The following MTG1 variants were observed in gnomAD, a reference collection of about 807,000 sequenced individuals.
The protein encoded by MTG1 is mitochondrial ribosome-associated GTPase 1.
In MTG1, 30 loss-of-function variants were observed where a neutral mutation model predicts 39.5. The ratio of observed to expected loss-of-function variants is 0.76; its 90% CI spans 0.57 to 1.03. The LOEUF is 1.03. Ranked by LOEUF, MTG1 falls within the 50% of genes least tolerant of loss-of-function variation. The pLI is 0.00. For synonymous variants in MTG1, 217 were observed against 179.0 expected (o/e 1.21, Z -1.69); for missense variants, 513 against 447.4 (o/e 1.15, Z -1.32).
Position 133,399,540 on chromosome 10 carries a change from C to T in MTG1, c.432C>T (p.Tyr144=), listed in dbSNP as rs1849839653. Reference sequence around the variant, plus strand: ...CTCTGCCTGCGCAGAACCTGGAGTACTGTATCATGGTCATTGGGGTCCCCA... The same window carrying T: ...CTCTGCCTGCGCAGAACCTGGAGTATTGTATCATGGTCATTGGGGTCCCCA... ...HRYHRKENLE[Y]CIMVIGVPNV... Residue 144 remains tyrosine, a synonymous_variant, in exon 6 of 11, where the codon TAC becomes TAT. Coordinates refer to ENST00000317502, the MANE Select transcript of MTG1 (RefSeq NM_138384.4). The T allele has an allele frequency of 1.9e-6, 3 of 1,614,062 alleles. No homozygotes were observed. Among genetic ancestry groups the T allele is most frequent in the South Asian group, 2.2e-5 (2 of 91,088 alleles).
At chr10:133,411,119 AC>A (rs1183069819) in intron 9 of MTG1, among the ~76,000 whole-genome samples, 1 of 152,178 alleles carries the variant, frequency 6.6e-6, no homozygotes, top group African/African-American at 2.4e-5. Flanking sequence ...AGATTGAAGA[AC>A]TTTTTTTTAG....
chr10:133,397,579 C>T lies in MTG1; in HGVS notation c.283-856C>T, dbSNP rs180818390. On this transcript the variant is annotated intron_variant, in intron 3 of 10. Coordinates refer to ENST00000317502, the MANE Select transcript of MTG1 (RefSeq NM_138384.4). ...CTGCAAGCTCTGCCTCCCGGGTTCA[C>T]GCCATTCTCCTGCCTCAGCCTCCTG... 7.5e-3 allele frequency among the ~76,000 whole-genome samples: 1,144 copies of T among 151,672 alleles called. 8 individuals are homozygous for T. Among genetic ancestry groups the T allele is most frequent in the Middle Eastern group, 0.048 (14 of 294 alleles).
At chr10:133,396,624 G>T (rs964508053) in intron 3 of MTG1, among the ~76,000 whole-genome samples, 1 of 152,258 alleles carries the variant, frequency 6.6e-6, no homozygotes, top group African/African-American at 2.4e-5. Context: ...TAAAACATAT[G>T]AAATAAGAAT....
At chr10:133,399,407 C>T (rs1047176784) in intron 5 of MTG1, 122 bp from the exon 6 acceptor site, 31 of 1,195,732 alleles carry the variant, frequency 2.6e-5, no homozygotes, top group Non-Finnish European at 3.5e-5. Flanking sequence ...AGAGCCTCGG[C>T]GTTAACCTCC....
Position 133,416,416 on chromosome 10 carries a change from ATTATAC to A in MTG1, c.753-3061_753-3056del, listed in dbSNP as rs1850133959. On this transcript the variant is annotated intron_variant, in intron 9 of 10. Transcript: ENST00000317502. ...TTTCTTTTTATTTTATTTTATTATTATTATACTTTAAGTTTTAGGGTACATGTGCAC... is the reference window on the plus strand; with the variant it reads ...TTTCTTTTTATTTTATTTTATTATTATTTAAGTTTTAGGGTACATGTGCAC... 2.7e-5 allele frequency among the ~76,000 whole-genome samples: 4 copies of A among 150,124 alleles called. No individual in the cohort carries two copies. The South Asian group carries it at 6.3e-4, about 23-fold the overall frequency.
At chr10:133,396,295 A>C in intron 3 of MTG1, 28 bp downstream of exon 3, 1 of 1,577,552 alleles carries the variant, frequency 6.3e-7, no homozygotes. Flanking sequence ...AGACGCCTTC[A>C]GCAGTGTGGC....
chr10:133,402,146 C>A lies in MTG1; in HGVS notation c.574-3C>A. On this transcript the variant is annotated splice_region_variant and splice_polypyrimidine_tract_variant and intron_variant, in intron 7 of 10. Transcript: ENST00000317502. This position sits in a 1 kb window ranked among gnomAD's most constrained non-coding sequence, Gnocchi z 4.7. ...CCTGATCATGCCCTCTGTGCCCACA[C>A]AGGTCTCTGAGCGGCCCCTGATGTT... The A allele has an allele frequency of 6.2e-7, 1 of 1,614,032 alleles. No homozygotes were observed. Among genetic ancestry groups the A allele is most frequent in the Non-Finnish European group, 8.5e-7 (1 of 1,179,992 alleles).
chr10:133,421,145 G>C lies in MTG1; in HGVS notation c.*980G>C, dbSNP rs1409663174. ...TCCACCAGGGCCCTGGTGCTCAGTGGCCCCTCTTTGCTGGCTGGCTGCCTC... is the reference window on the plus strand; with the variant it reads ...TCCACCAGGGCCCTGGTGCTCAGTGCCCCCTCTTTGCTGGCTGGCTGCCTC... On this transcript the variant is annotated 3_prime_UTR_variant, in exon 11 of 11. Coordinates refer to ENST00000317502, the MANE Select transcript of MTG1 (RefSeq NM_138384.4). 1.3e-5 allele frequency: 2 copies of C among 152,428 alleles called. No individual in the cohort carries two copies. The highest frequency in any genetic ancestry group is 2.9e-5 in the Non-Finnish European group (2 of 68,264). The allele number at this position is 152,428 out of a possible 1,614,324, so 9.4% of individuals were successfully genotyped here.
intron 9 of MTG1, among the ~76,000 whole-genome samples, chr10:133,415,196 C>A (rs113504435): frequency 0.05 from 7,481 of 150,834 alleles, 353 homozygotes; most frequent in African/African-American, 0.12. Flanking sequence ...GGAGAGGGAG[C>A]GGAGCGGGAG....
chr10:133,400,106 G>A (rs1196046682), intron 6 of MTG1, among the ~76,000 whole-genome samples: 1 of 152,136 alleles, frequency 6.6e-6, no homozygotes, highest in East Asian at 1.9e-4. Context: ...GCAGGAGAAT[G>A]GCGTGAACCC....
chr10:133,395,401 C>CA (rs1564817527), intron 1 of MTG1, among the ~76,000 whole-genome samples: 2 of 151,176 alleles, frequency 1.3e-5, no homozygotes, highest in South Asian at 2.2e-4. Flanking sequence ...TCTCAGAAAA[C>CA]AAAAAAGCGA....
At chr10:133,404,488 A>AATTT (rs1554891468) in intron 9 of MTG1, among the ~76,000 whole-genome samples, 8 of 151,946 alleles carry the variant, frequency 5.3e-5, no homozygotes, top group Admixed American at 5.2e-4. Context: ...GTTTGTAAAT[A>AATTT]CTTTAAGTCT....
chr10:133,415,187 G>T (rs1589918345), intron 9 of MTG1, among the ~76,000 whole-genome samples: 1 of 152,214 alleles, frequency 6.6e-6, no homozygotes, highest in East Asian at 1.9e-4. Flanking sequence ...CGTGGAGAGG[G>T]AGAGGGAGCG....
At chr10:133,394,537 C>A (rs565578777) in intron 1 of MTG1, 2 of 1,338,896 alleles carry the variant, frequency 1.5e-6, no homozygotes, top group South Asian at 1.8e-5. Context: ...GGGAGAGGCC[C>A]GTTCCCGCGA....
chr10:133,406,403 T>C (rs1849971369), intron 9 of MTG1, among the ~76,000 whole-genome samples: 1 of 151,930 alleles, frequency 6.6e-6, no homozygotes, highest in Non-Finnish European at 1.5e-5. Context: ...GAGATCCTCC[T>C]GCCTCAGCCT....
intron 5 of MTG1, 48 bp downstream of exon 5, chr10:133,399,274 G>A (rs1388343513): frequency 1.3e-6 from 2 of 1,599,670 alleles, no homozygotes; most frequent in Non-Finnish European, 1.7e-6. Flanking sequence ...GGCGTGGGAT[G>A]GGCCAGCCCC....
At chr10:133,419,891 T>C (rs556251336) in intron 10 of MTG1, 135 bp from the exon 11 acceptor site, 1 of 1,116,956 alleles carries the variant, frequency 9.0e-7, no homozygotes, top group African/African-American at 1.6e-5. Flanking sequence ...CTGTTTTCTT[T>C]CTGAGTGTGA....
chr10:133,419,717 A>C, intron 10 of MTG1, 125 bp downstream of exon 10: 1 of 829,342 alleles, frequency 1.2e-6, no homozygotes, highest in Non-Finnish European at 1.9e-6. Flanking sequence ...TCTTCTGGGA[A>C]TGGGTTTCAG....
intron 4 of MTG1, 74 bp from the exon 5 acceptor site, chr10:133,399,096 G>A (rs1849829753): frequency 6.6e-7 from 1 of 1,513,728 alleles, no homozygotes. Flanking sequence ...ATCCTGTTCT[G>A]AGGTGGCAGA....
Sources: gnomAD v4.1 joint callset for allele counts (sites outside exome capture counted in the v4.1 genomes callset) on GRCh38, gnomAD v4.1.1 for gene constraint, Gnocchi (gnomAD v3.1) non-coding constraint, MANE v1.5 for transcripts, NCBI Gene and HGNC (gene_info 2026-07-23, HGNC 2026-07-21) for gene names.